Variants in BMPR1B observed in about 807,000 individuals in gnomAD.
BMPR1B encodes bone morphogenetic protein receptor type 1B.
In BMPR1B, 12 loss-of-function variants were observed where a neutral mutation model predicts 59.1. The ratio of observed to expected loss-of-function variants is 0.20; its 90% CI spans 0.13 to 0.33. BMPR1B has a LOEUF of 0.33. Among genes scored for constraint, BMPR1B ranks in the 10% least tolerant of loss-of-function variants. BMPR1B has a pLI of 1.00. For missense variants in BMPR1B, 550 were observed against 610.9 expected, an observed-to-expected ratio of 0.90 and a Z score of 1.05; for synonymous variants, 237 against 207.3, an observed-to-expected ratio of 1.14 and a Z score of -1.23.
chr4:94,908,093 A>AAAAAAAAAAAAAAAAAAAAAAG (rs1553917473), intron 2 of BMPR1B, among the ~76,000 whole-genome samples: 1 of 118,712 alleles, frequency 8.4e-6, no homozygotes, highest in Non-Finnish European at 1.6e-5. Flanking sequence ...AAAAAAAAGA[A>AAAAAAAAAAAAAAAAAAAAAAG]AAAACAAAAA....
intron 3 of BMPR1B, among the ~76,000 whole-genome samples, chr4:95,036,675 G>T (rs1004655079): frequency 1.3e-5 from 2 of 149,580 alleles, no homozygotes; most frequent in African/African-American, 2.5e-5. Context: ...AAACATGGGC[G>T]TGCAGATATC....
intron 2 of BMPR1B, among the ~76,000 whole-genome samples, chr4:94,974,548 A>G (rs1175959116): frequency 2.0e-5 from 3 of 152,092 alleles, no homozygotes; most frequent in Admixed American, 2.0e-4. Context: ...TCTTAACATG[A>G]TCTGCTTGCT....
intron 2 of BMPR1B, among the ~76,000 whole-genome samples, chr4:94,958,968 A>G (rs1730258141): frequency 6.6e-6 from 1 of 152,132 alleles, no homozygotes; most frequent in African/African-American, 2.4e-5. Flanking sequence ...TGGAATGAGC[A>G]TGGTATAGTT....
chr4:95,125,009 G>C lies in BMPR1B; in HGVS notation c.473G>C (p.Arg158Pro). 6.2e-7 allele frequency: 1 copy of C among 1,613,246 alleles called. No individual in the cohort carries two copies. The highest frequency in any genetic ancestry group is 1.3e-5 in the African/African-American group (1 of 74,988). ...FRYKRQETRPRYSIGLEQDET... is the reference protein window; with the variant it reads ...FRYKRQETRPPYSIGLEQDET... ...TATAAAAGACAAGAAACCAGACCTC[G>C]ATACAGCATTGGGTTAGAACAGGAT... Residue 158 changes from arginine to proline, a missense_variant, in exon 8 of 13, where the codon CGA becomes CCA. Arg to Pro is a moderately radical substitution (Grantham distance 103). Transcript: ENST00000515059.
intron 3 of BMPR1B, among the ~76,000 whole-genome samples, chr4:95,060,943 C>T (rs1447237484): frequency 3.3e-5 from 5 of 151,974 alleles, no homozygotes; most frequent in Non-Finnish European, 7.4e-5. Flanking sequence ...CAGATAAACA[C>T]TTTTGAGTTC....
At chr4:94,992,062 G>T (rs1219692725) in intron 2 of BMPR1B, among the ~76,000 whole-genome samples, 1 of 152,042 alleles carries the variant, frequency 6.6e-6, no homozygotes, top group Non-Finnish European at 1.5e-5. Context: ...TTCCAAAGTT[G>T]CCCTCTCCTC....
chr4:94,801,040 T>C (rs1041652764), intron 1 of BMPR1B, among the ~76,000 whole-genome samples: 1 of 152,080 alleles, frequency 6.6e-6, no homozygotes, highest in Non-Finnish European at 1.5e-5. Flanking sequence ...GGACAGAGGG[T>C]GTGAACAGAG....
chr4:95,092,143 A>G (rs1251668214), intron 3 of BMPR1B, among the ~76,000 whole-genome samples: 1 of 152,146 alleles, frequency 6.6e-6, no homozygotes, highest in Non-Finnish European at 1.5e-5. Context: ...TCTTTAAAGT[A>G]TAAATGTAAT....
chr4:95,010,874 C>T (rs1041404457), intron 3 of BMPR1B, among the ~76,000 whole-genome samples: 1 of 152,060 alleles, frequency 6.6e-6, no homozygotes, highest in Non-Finnish European at 1.5e-5. Flanking sequence ...CATGAGGCAT[C>T]GGACCATGGA....
chr4:95,149,739 GA>G (rs1181011705), intron 11 of BMPR1B, among the ~76,000 whole-genome samples: 2 of 152,142 alleles, frequency 1.3e-5, no homozygotes, highest in African/African-American at 4.8e-5. Flanking sequence ...CTATCTTCAT[GA>G]AAACATGAGC....
rs375542867 is a variant in BMPR1B at position 94,806,493 on chromosome 4, T to C, written c.-183+48425T>C. The stretch of plus-strand genomic sequence containing the variant: ...ATGAGTTAAATGAGAGCAATACCTA[T>C]CTCAGATGGTTTTGGTGAGGATGAA... On this transcript the variant is annotated intron_variant, in intron 1 of 12. Transcript: ENST00000515059. Among the ~76,000 whole-genome samples the C allele has an allele frequency of 3.3e-5, 5 of 152,340 alleles. No individual in the cohort carries two copies. In the South Asian group the frequency reaches 1.0e-3, roughly 32 times the overall value.
chr4:94,781,325 A>G (rs1185116197), intron 1 of BMPR1B, among the ~76,000 whole-genome samples: 3 of 151,934 alleles, frequency 2.0e-5, no homozygotes, highest in Non-Finnish European at 4.4e-5. Context: ...AATATTTTCA[A>G]CTTTTATAAT....
intron 2 of BMPR1B, among the ~76,000 whole-genome samples, chr4:94,912,384 C>G (rs563443401): frequency 1.3e-5 from 2 of 152,094 alleles, no homozygotes; most frequent in Admixed American, 1.3e-4. Flanking sequence ...GGGCCTGGCT[C>G]CATGTTTTGC....
intron 3 of BMPR1B, among the ~76,000 whole-genome samples, chr4:95,003,801 CTTTTTTTTTTT>C (rs5860385): frequency 5.9e-5 from 5 of 84,560 alleles, no homozygotes; most frequent in African/African-American, 1.4e-4. Flanking sequence ...CAAAGTCCAT[CTTTTTTTTTTT>C]TTTTTTTTTT....
chr4:94,840,482 A>G (rs1401049611), intron 1 of BMPR1B, among the ~76,000 whole-genome samples: 1 of 146,602 alleles, frequency 6.8e-6, no homozygotes, highest in Non-Finnish European at 1.5e-5. Context: ...TTTTTTCTCT[A>G]AACTTCCCTT....
At chr4:94,843,986 A>T (rs1725208949) in intron 1 of BMPR1B, among the ~76,000 whole-genome samples, 1 of 106,994 alleles carries the variant, frequency 9.3e-6, no homozygotes, top group African/African-American at 4.7e-5. Flanking sequence ...CAAAGAGTAG[A>T]ATGGTGGTCC....
At chr4:94,811,370 A>T (rs1209897773) in intron 1 of BMPR1B, among the ~76,000 whole-genome samples, 1 of 152,206 alleles carries the variant, frequency 6.6e-6, no homozygotes, top group African/African-American at 2.4e-5. Context: ...CTCATGGGCC[A>T]GGCCTGGAGG....
At chr4:95,095,774 G>A (rs1283164759) in intron 3 of BMPR1B, among the ~76,000 whole-genome samples, 1 of 151,880 alleles carries the variant, frequency 6.6e-6, no homozygotes, top group East Asian at 1.9e-4. Context: ...TTTCTCTACT[G>A]TTCATACAGA....
At chr4:94,802,155 A>G (rs180935676) in intron 1 of BMPR1B, among the ~76,000 whole-genome samples, 4 of 152,318 alleles carry the variant, frequency 2.6e-5, no homozygotes, top group South Asian at 2.1e-4. Context: ...GTGAAAGACA[A>G]GTGCTGTAGA....
Sources: allele counts gnomAD v4.1 joint callset (sites outside exome capture counted in the v4.1 genomes callset), GRCh38; gene constraint gnomAD v4.1.1; transcripts MANE v1.5; gene names NCBI Gene and HGNC (gene_info 2026-07-23, HGNC 2026-07-21).